RIMS2: variants seen among roughly 807,000 people sequenced by gnomAD.
The protein encoded by RIMS2 is regulating synaptic membrane exocytosis 2.
RIMS2 carries 59 observed loss-of-function variants against 174.4 expected under a neutral mutation model. The observed-to-expected ratio is 0.34, with a 90% CI of 0.27 to 0.42. The LOEUF (loss-of-function observed/expected upper bound fraction) is 0.42. Ranked by LOEUF, RIMS2 falls within the 10% of genes least tolerant of loss-of-function variation. RIMS2 has a pLI of 1.00. For missense variants in RIMS2, 1,620 were observed against 1,666.3 expected, an observed-to-expected ratio of 0.97 and a Z score of 0.48; for synonymous variants, 606 against 572.5, an observed-to-expected ratio of 1.06 and a Z score of -0.84.
At chr8:104,168,330 G>A (rs1900518) in intron 19 of RIMS2, among the ~76,000 whole-genome samples, 65,788 of 151,838 alleles carry the variant, frequency 0.43, 14,727 homozygotes, top group East Asian at 0.63. Flanking sequence ...TGTGTCATCT[G>A]TGATTTTTCA....
At chr8:104,095,520 A>G (rs1407664519) in intron 19 of RIMS2, among the ~76,000 whole-genome samples, 3 of 152,202 alleles carry the variant, frequency 2.0e-5, no homozygotes, top group Non-Finnish European at 2.9e-5. Flanking sequence ...TAATTTTCAT[A>G]GCACAAGTCA....
intron 19 of RIMS2, among the ~76,000 whole-genome samples, chr8:104,201,269 A>G (rs956685102): frequency 6.6e-6 from 1 of 152,170 alleles, no homozygotes; most frequent in Non-Finnish European, 1.5e-5. Context: ...GCTTTGTCTT[A>G]TTCTTTTTGT....
At chr8:103,644,779 TTTACAAAACCCAGTTTTAA>T (rs1325717518) in intron 1 of RIMS2, among the ~76,000 whole-genome samples, 3 of 151,634 alleles carry the variant, frequency 2.0e-5, no homozygotes, top group Admixed American at 6.6e-5. Flanking sequence ...TATAGATGTT[TTTACAAAACCCAGTTTTAA>T]TAATTTAGAT....
chr8:103,576,171 C>CAT (rs1563844991), intron 1 of RIMS2, among the ~76,000 whole-genome samples: 1 of 152,218 alleles, frequency 6.6e-6, no homozygotes, highest in African/African-American at 2.4e-5. Flanking sequence ...CACTATAAGG[C>CAT]TATCCCCTTT....
intron 19 of RIMS2, among the ~76,000 whole-genome samples, chr8:104,159,158 T>C (rs777015848): frequency 6.6e-6 from 1 of 152,202 alleles, no homozygotes; most frequent in Non-Finnish European, 1.5e-5. Context: ...AAGGAATCCT[T>C]TCCCCATTGC....
At chr8:103,707,407 C>T (rs1361703540) in intron 2 of RIMS2, among the ~76,000 whole-genome samples, 1 of 152,138 alleles carries the variant, frequency 6.6e-6, no homozygotes, top group African/African-American at 2.4e-5. Context: ...TGTTCCAGTC[C>T]TTCAGAGGGT....
chr8:103,791,866 G>C (rs2098502247), intron 3 of RIMS2, among the ~76,000 whole-genome samples: 1 of 152,152 alleles, frequency 6.6e-6, no homozygotes, highest in Admixed American at 6.5e-5. Context: ...AACAAGAAGA[G>C]CTAACTATCC....
intron 2 of RIMS2, among the ~76,000 whole-genome samples, chr8:103,722,450 A>G (rs558232926): frequency 3.4e-4 from 51 of 151,812 alleles, no homozygotes; most frequent in African/African-American, 1.2e-3. Flanking sequence ...TTGATGGGAG[A>G]CAGTGACAGA....
At chr8:104,135,183 T>G (rs886265390) in intron 19 of RIMS2, among the ~76,000 whole-genome samples, 1 of 152,138 alleles carries the variant, frequency 6.6e-6, no homozygotes, top group African/African-American at 2.4e-5. Flanking sequence ...TTGAATAGCA[T>G]GAAGAAGGTA....
intron 1 of RIMS2, among the ~76,000 whole-genome samples, chr8:103,609,186 C>T (rs967243168): frequency 2.6e-5 from 4 of 152,152 alleles, no homozygotes; most frequent in Admixed American, 2.0e-4. Context: ...GTCTTTTACC[C>T]ACTTTTTAAT....
At chr8:103,929,916 A>G (rs1248909219) in intron 11 of RIMS2, among the ~76,000 whole-genome samples, 2 of 152,016 alleles carry the variant, frequency 1.3e-5, no homozygotes, top group East Asian at 3.9e-4. Flanking sequence ...ATTTTAATGC[A>G]CTTGAGGATC....
chr8:103,992,934 G>T (rs748086877), intron 17 of RIMS2, among the ~76,000 whole-genome samples: 5 of 152,072 alleles, frequency 3.3e-5, no homozygotes, highest in Non-Finnish European at 7.4e-5. Context: ...GGCAGACTAT[G>T]TGGCCTTAGT....
intron 3 of RIMS2, among the ~76,000 whole-genome samples, chr8:103,785,416 T>C (rs1313983643): frequency 2.6e-5 from 4 of 151,776 alleles, no homozygotes; most frequent in Non-Finnish European, 4.4e-5. Flanking sequence ...TTGTCATAGA[T>C]AGCTCTTCTT....
chr8:103,857,648 T>C lies in RIMS2; in HGVS notation c.699-27650T>C, dbSNP rs190664472. ...ATACACAATATTTAATATTTTTAAG[T>C]TTATCATACAATTATTATTATATTC... is the stretch of plus-strand genomic sequence containing the variant. On this transcript the variant is annotated intron_variant, in intron 3 of 23. Transcript: ENST00000504942. 4.4e-3 allele frequency among the ~76,000 whole-genome samples: 668 copies of C among 152,310 alleles called. 3 individuals are homozygous for C. The highest frequency in any genetic ancestry group is 0.019 in the South Asian group (93 of 4,824).
chr8:104,000,986 T>C (rs2095361017), intron 17 of RIMS2, among the ~76,000 whole-genome samples: 1 of 151,956 alleles, frequency 6.6e-6, no homozygotes, highest in African/African-American at 2.4e-5. Flanking sequence ...GAAGAATAGC[T>C]TGCAAATTTT....
chr8:103,908,102 C>G (rs189426725), intron 4 of RIMS2, among the ~76,000 whole-genome samples: 1 of 149,496 alleles, frequency 6.7e-6, no homozygotes, highest in Non-Finnish European at 1.5e-5. Flanking sequence ...AGTGCAGTGG[C>G]GCAATCTCAG....
intron 3 of RIMS2, among the ~76,000 whole-genome samples, chr8:103,808,676 A>T (rs1024435879): frequency 1.3e-5 from 2 of 152,108 alleles, no homozygotes; most frequent in African/African-American, 4.8e-5. Context: ...TACTTAAGAG[A>T]TAAATCTAAG....
intron 19 of RIMS2, chr8:104,093,618 C>A (rs55788818): frequency 2.5e-6 from 4 of 1,595,292 alleles, no homozygotes; most frequent in Non-Finnish European, 3.4e-6. Context: ...CCAATCAGAA[C>A]GCCCAGGAGG....
chr8:104,100,999 T>G (rs1206561359), intron 19 of RIMS2, among the ~76,000 whole-genome samples: 4 of 132,634 alleles, frequency 3.0e-5, no homozygotes, highest in African/African-American at 1.3e-4. Context: ...TAGTATATGT[T>G]ATATATGATA....
Sources: allele counts gnomAD v4.1 joint callset (sites outside exome capture counted in the v4.1 genomes callset), GRCh38; gene constraint gnomAD v4.1.1; transcripts MANE v1.5; gene names NCBI Gene and HGNC (gene_info 2026-07-23, HGNC 2026-07-21).